The following APBB2 variants were observed in gnomAD, a reference collection of about 807,000 sequenced individuals.
The protein encoded by APBB2 is amyloid beta precursor protein binding family B member 2, also known as Fe65-like 1.
APBB2 carries 38 observed loss-of-function variants against 82.5 expected under a neutral mutation model. That is an observed-to-expected ratio of 0.46 (90% CI 0.36 to 0.60). The LOEUF is 0.60. Ranked by LOEUF, APBB2 falls within the 20% of genes least tolerant of loss-of-function variation. The probability of loss-of-function intolerance (pLI) is 0.00; values close to 1 mark genes in which losing one functional copy is unlikely to be tolerated. For missense variants in APBB2, 772 were observed against 972.3 expected (o/e 0.79, Z 2.74); for synonymous variants, 341 against 368.2 (o/e 0.93, Z 0.85).
intron 6 of APBB2, among the ~76,000 whole-genome samples, chr4:41,006,975 C>T (rs1469927318): frequency 2.0e-5 from 3 of 152,148 alleles, no homozygotes; most frequent in Non-Finnish European, 4.4e-5. Flanking sequence ...GTGACTCTCG[C>T]TCTCATCAAC....
chr4:40,828,901 A>C (rs1158928114), intron 13 of APBB2, among the ~76,000 whole-genome samples: 1 of 152,120 alleles, frequency 6.6e-6, no homozygotes, highest in Non-Finnish European at 1.5e-5. Flanking sequence ...CTCAGGCACC[A>C]TGGCTTGGAC....
intron 10 of APBB2, among the ~76,000 whole-genome samples, chr4:40,927,566 G>A (rs905818370): frequency 6.6e-6 from 1 of 151,948 alleles, no homozygotes; most frequent in East Asian, 1.9e-4. Flanking sequence ...CTGTAGCCTC[G>A]ACCTCCTTGG....
At chr4:41,046,297 G>C (rs11933029) in intron 4 of APBB2, among the ~76,000 whole-genome samples, 27,630 of 152,200 alleles carry the variant, frequency 0.18, 2,843 homozygotes, top group Non-Finnish European at 0.24. Flanking sequence ...TGTAGTGAGA[G>C]GAAGGAATTT....
rs368759072 is a variant in APBB2 at position 41,106,050 on chromosome 4, CAG to C, written c.-260-5302_-260-5301del. On this transcript the variant is annotated intron_variant, in intron 2 of 17. Transcript: ENST00000508593. ...ATACCTTACACTGACTCTGAAAATA[CAG>C]AGCAGTTAGGAACTCTTGGCATGGA... Among the ~76,000 whole-genome samples the C allele has an allele frequency of 6.8e-3, 1,038 of 152,172 alleles. 13 individuals are homozygous for C. Among genetic ancestry groups the C allele is most frequent in the African/African-American group, 0.021 (886 of 41,498 alleles).
chr4:40,946,444 G>A (rs1273188532), intron 6 of APBB2, among the ~76,000 whole-genome samples: 2 of 136,692 alleles, frequency 1.5e-5, no homozygotes, highest in African/African-American at 5.1e-5. Flanking sequence ...TTTAAACACT[G>A]CGATGGCCAA....
chr4:40,912,074 A>G (rs12507120), intron 10 of APBB2, among the ~76,000 whole-genome samples: 39,158 of 152,214 alleles, frequency 0.26, 6,030 homozygotes, highest in East Asian at 0.55. Context: ...TAGTTTGTTC[A>G]AAAAGCCAAA....
At chr4:41,025,828 G>A (rs1243983908) in intron 5 of APBB2, among the ~76,000 whole-genome samples, 1 of 143,976 alleles carries the variant, frequency 6.9e-6, no homozygotes, top group Non-Finnish European at 1.5e-5. Context: ...CTGATGGCCG[G>A]AGAATCTCTT....
chr4:41,194,167 T>C, intron 1 of APBB2: 1 of 141,198 alleles, frequency 7.1e-6, no homozygotes, highest in Non-Finnish European at 1.5e-5. Flanking sequence ...AAAAAAATTG[T>C]TTTAATTAGC....
intron 3 of APBB2, among the ~76,000 whole-genome samples, chr4:41,076,743 A>G (rs918468334): frequency 6.6e-6 from 1 of 152,216 alleles, no homozygotes; most frequent in Non-Finnish European, 1.5e-5. Context: ...CATGACAGAC[A>G]GGAACTTCAG....
intron 5 of APBB2, among the ~76,000 whole-genome samples, chr4:41,025,964 GA>G (rs1272403533): frequency 8.3e-5 from 11 of 131,974 alleles, no homozygotes; most frequent in African/African-American, 3.1e-4. Flanking sequence ...AAAAAAAAAA[GA>G]AAAAAAGGAA....
chr4:40,933,584 C>A (rs1784731633), intron 10 of APBB2, among the ~76,000 whole-genome samples: 1 of 152,124 alleles, frequency 6.6e-6, no homozygotes, highest in Non-Finnish European at 1.5e-5. Context: ...AGGGAGTGTG[C>A]ACTTGACCCC....
At position 40,827,113 on chromosome 4, in the gene APBB2, T is replaced by A; in HGVS notation, c.1732+19A>T. On this transcript the variant is annotated intron_variant, in intron 14 of 17. Transcript: ENST00000508593. ...GAGGGACAGGGCCATAATGAAGACATGAGGTGCCACTGACTTACCTTGCAA... is the reference window on the plus strand; with the variant it reads ...GAGGGACAGGGCCATAATGAAGACAAGAGGTGCCACTGACTTACCTTGCAA... 3 of 1,610,204 alleles carry A rather than the reference T, an allele frequency of 1.9e-6. No individual in the cohort carries two copies. Among genetic ancestry groups the A allele is most frequent in the Non-Finnish European group, 2.5e-6 (3 of 1,176,492 alleles).
chr4:41,106,260 G>A (rs1202468822), intron 2 of APBB2, among the ~76,000 whole-genome samples: 2 of 152,136 alleles, frequency 1.3e-5, no homozygotes, highest in Non-Finnish European at 2.9e-5. Flanking sequence ...TGTTATCTAA[G>A]TTAATCTTTG....
At chr4:40,867,733 G>A (rs1277967595) in intron 12 of APBB2, among the ~76,000 whole-genome samples, 11 of 152,146 alleles carry the variant, frequency 7.2e-5, no homozygotes, top group Non-Finnish European at 4.4e-5. Context: ...CTTAGAGACT[G>A]CTTAGCCTAC....
chr4:41,206,911 G>A (rs539722651), intron 1 of APBB2, among the ~76,000 whole-genome samples: 15 of 152,190 alleles, frequency 9.9e-5, no homozygotes, highest in African/African-American at 3.6e-4. Flanking sequence ...AGAGCAAGCA[G>A]GATGCTGCCA....
chr4:40,990,471 A>G (rs1801710906), intron 6 of APBB2, among the ~76,000 whole-genome samples: 1 of 152,206 alleles, frequency 6.6e-6, no homozygotes, highest in South Asian at 2.1e-4. Flanking sequence ...ATTTCTCATG[A>G]AAGACACTGT....
chr4:40,898,480 G>A (rs1204686169), intron 10 of APBB2, among the ~76,000 whole-genome samples: 3 of 152,102 alleles, frequency 2.0e-5, no homozygotes, highest in Admixed American at 6.5e-5. Context: ...GGCCAGGCTG[G>A]TCTCAAACTC....
chr4:40,835,973 G>C (rs1008556932), intron 12 of APBB2, among the ~76,000 whole-genome samples: 6 of 152,174 alleles, frequency 3.9e-5, no homozygotes, highest in African/African-American at 1.4e-4. Flanking sequence ...TGGAGTGGGG[G>C]AGGGAAGGAG....
intron 1 of APBB2, among the ~76,000 whole-genome samples, chr4:41,172,165 C>CAAAGACCAAAA (rs1474507343): frequency 1.3e-5 from 2 of 152,130 alleles, no homozygotes; most frequent in African/African-American, 4.8e-5. Flanking sequence ...AGACCAAAAT[C>CAAAGACCAAAA]CTGGTCACTG....
Sources: gnomAD v4.1 joint callset for allele counts (sites outside exome capture counted in the v4.1 genomes callset) on GRCh38, gnomAD v4.1.1 for gene constraint, MANE v1.5 for transcripts, NCBI Gene and HGNC (gene_info 2026-07-23, HGNC 2026-07-21) for gene names.